Variants in ZDHHC15 observed in about 807,000 individuals in gnomAD.
The protein encoded by ZDHHC15 is palmitoyltransferase ZDHHC15.
ZDHHC15 carries 19 observed loss-of-function variants against 31.7 expected under a neutral mutation model. The ratio of observed to expected loss-of-function variants is 0.60; its 90% CI spans 0.42 to 0.88. ZDHHC15 has a LOEUF of 0.88. Ranked by LOEUF, ZDHHC15 falls within the 40% of genes least tolerant of loss-of-function variation. The probability of loss-of-function intolerance (pLI) is 0.00; values close to 1 mark genes in which losing one functional copy is unlikely to be tolerated. For synonymous variants in ZDHHC15, 103 were observed against 90.0 expected, an observed-to-expected ratio of 1.14 and a Z score of -0.82; for missense variants, 209 against 251.2, an observed-to-expected ratio of 0.83 and a Z score of 1.14.
Position 75,429,312 on chromosome X carries a change from G to A in ZDHHC15, c.483-114C>T, listed in dbSNP as rs1009326329. The A allele has an allele frequency of 6.4e-5, 58 of 907,392 alleles. 1 individual carries two copies. The Admixed American group carries it at 7.1e-4, about 11-fold the overall frequency. 74.8% of individuals were successfully genotyped at this position (907,392 alleles called of 1,213,427 possible). ...TAGTTCTGCTGCTTCATTATGTGTCGTGTAAAAGCCCAATAGAGATAGAAG... is the reference window on the plus strand; with the variant it reads ...TAGTTCTGCTGCTTCATTATGTGTCATGTAAAAGCCCAATAGAGATAGAAG... On this transcript the variant is annotated intron_variant, in intron 6 of 11. Coordinates refer to ENST00000373367, the MANE Select transcript of ZDHHC15 (RefSeq NM_144969.3).
intron 2 of ZDHHC15, among the ~76,000 whole-genome samples, chrX:75,483,484 T>C (rs2084726432): frequency 9.0e-6 from 1 of 110,820 alleles, no homozygotes; most frequent in African/African-American, 3.3e-5. Context: ...GGAAGATCAC[T>C]TGAGCCCAGA....
intron 2 of ZDHHC15, among the ~76,000 whole-genome samples, chrX:75,481,275 T>C (rs767383548): frequency 1.8e-5 from 2 of 111,908 alleles, no homozygotes; most frequent in Non-Finnish European, 3.8e-5. Context: ...GTTTACCCTC[T>C]CATTATACAC....
At chrX:75,451,065 G>A in intron 3 of ZDHHC15, 143 bp from the exon 4 acceptor site, 1 of 676,067 alleles carries the variant, frequency 1.5e-6, no homozygotes, top group Non-Finnish European at 2.1e-6. Flanking sequence ...ATGTTCTCTG[G>A]ATAATTACTT....
chrX:75,503,528 T>G (rs749152957), intron 2 of ZDHHC15, among the ~76,000 whole-genome samples: 2 of 111,096 alleles, frequency 1.8e-5, no homozygotes, highest in Non-Finnish European at 1.9e-5. Flanking sequence ...ATAATCTCAT[T>G]AGTGCTCAAA....
At chrX:75,418,321 AC>A (rs1213092675) in intron 9 of ZDHHC15, among the ~76,000 whole-genome samples, 1 of 111,421 alleles carries the variant, frequency 9.0e-6, no homozygotes, top group Non-Finnish European at 1.9e-5. Context: ...TTACCACCCT[AC>A]CCCCAACAAA....
intron 10 of ZDHHC15, among the ~76,000 whole-genome samples, chrX:75,401,800 C>G (rs1477318734): frequency 8.9e-6 from 1 of 111,850 alleles, no homozygotes; most frequent in Non-Finnish European, 1.9e-5. Context: ...GGGAGACTTC[C>G]ACACACCACT....
At chrX:75,383,010 T>C (rs2083132676) in intron 10 of ZDHHC15, among the ~76,000 whole-genome samples, 10 of 111,405 alleles carry the variant, frequency 9.0e-5, no homozygotes, top group Non-Finnish European at 1.9e-4. Flanking sequence ...GTGAAAGAGG[T>C]ACAGGAACTA....
intron 10 of ZDHHC15, among the ~76,000 whole-genome samples, chrX:75,405,697 T>C (rs957003143): frequency 1.8e-5 from 2 of 111,368 alleles, no homozygotes; most frequent in South Asian, 3.7e-4. Context: ...AAGGAAGAGA[T>C]AGACTGCAAT....
intron 9 of ZDHHC15, among the ~76,000 whole-genome samples, chrX:75,419,840 A>G (rs1412794009): frequency 1.9e-5 from 2 of 106,101 alleles, no homozygotes; most frequent in African/African-American, 3.5e-5. Context: ...TCGGCAAACT[A>G]TCACAAGGAC....
At chrX:75,456,892 C>A (rs957166261) in intron 3 of ZDHHC15, among the ~76,000 whole-genome samples, 2 of 111,153 alleles carry the variant, frequency 1.8e-5, no homozygotes, top group African/African-American at 6.5e-5. Flanking sequence ...CACTTAAGTG[C>A]CATTTAAATT....
chrX:75,411,273 A>G lies in ZDHHC15; in HGVS notation c.967+5814T>C, dbSNP rs368849686. ...GCCTAGGCTGGAGTGCAGTGGTGTG[A>G]TCTCAGCTCACTGCAAGCTCTGCTT... On this transcript the variant is annotated intron_variant, in intron 10 of 11. Coordinates refer to ENST00000373367, the MANE Select transcript of ZDHHC15 (RefSeq NM_144969.3). Among the ~76,000 whole-genome samples, 8 of 109,225 alleles carry G rather than the reference A, an allele frequency of 7.3e-5. No homozygotes were observed. In the East Asian group the frequency reaches 2.3e-3, roughly 32 times the overall value. The allele number at this position is 109,225 out of a possible 115,157, so 94.8% of individuals were successfully genotyped here.
At chrX:75,412,560 T>C (rs764757277) in intron 10 of ZDHHC15, among the ~76,000 whole-genome samples, 2 of 110,297 alleles carry the variant, frequency 1.8e-5, no homozygotes, top group Non-Finnish European at 3.8e-5. Flanking sequence ...ACCTCCCGAG[T>C]AGCTGGGATT....
At chrX:75,468,844 G>C (rs1348052767) in intron 3 of ZDHHC15, among the ~76,000 whole-genome samples, 1 of 111,373 alleles carries the variant, frequency 9.0e-6, no homozygotes, top group Non-Finnish European at 1.9e-5. Flanking sequence ...GTGCTTTTTG[G>C]CTATTTGTAT....
At chrX:75,439,628 A>T (rs933361728) in intron 4 of ZDHHC15, among the ~76,000 whole-genome samples, 2 of 111,830 alleles carry the variant, frequency 1.8e-5, no homozygotes, top group African/African-American at 6.5e-5. Flanking sequence ...CCCTCCTTGA[A>T]CAGCTTAATA....
At chrX:75,466,469 G>T (rs2084408126) in intron 3 of ZDHHC15, among the ~76,000 whole-genome samples, 1 of 111,367 alleles carries the variant, frequency 9.0e-6, no homozygotes, top group Non-Finnish European at 1.9e-5. Context: ...TAAATTATTT[G>T]AGTTTAAAGA....
rs145267771 is a variant in ZDHHC15, at chrX:75,410,150, G to C, written c.967+6937C>G. On this transcript the variant is annotated intron_variant, in intron 10 of 11. Transcript: ENST00000373367. ...ATGAATTGACTAGAAGAAAATTTGG[G>C]GGAAATGCTCCAGGACAAGACGTTG... Among the ~76,000 whole-genome samples, 24 of 111,385 alleles carry C rather than the reference G, an allele frequency of 2.2e-4. No homozygotes were observed. In the East Asian group the frequency reaches 6.5e-3, roughly 30 times the overall value.
At chrX:75,417,356 C>T (rs948007777) in intron 9 of ZDHHC15, among the ~76,000 whole-genome samples, 166 bp from the exon 10 acceptor site, 2 of 111,729 alleles carry the variant, frequency 1.8e-5, no homozygotes, top group Non-Finnish European at 3.8e-5. Context: ...TGCTATATTG[C>T]TCTCGATTTC....
chrX:75,412,733 T>C (rs1400921041), intron 10 of ZDHHC15, among the ~76,000 whole-genome samples: 1 of 111,984 alleles, frequency 8.9e-6, no homozygotes, highest in Non-Finnish European at 1.9e-5. Flanking sequence ...GCCTGGCTAT[T>C]ATTCAGTTTT....
At chrX:75,489,152 T>G (rs1433568726) in intron 2 of ZDHHC15, among the ~76,000 whole-genome samples, 1 of 111,927 alleles carries the variant, frequency 8.9e-6, no homozygotes, top group Non-Finnish European at 1.9e-5. Context: ...CTCTGTAGAC[T>G]CCACCTCTGG....
Sources: gnomAD v4.1 joint callset for allele counts (sites outside exome capture counted in the v4.1 genomes callset) on GRCh38, gnomAD v4.1.1 for gene constraint, MANE v1.5 for transcripts, NCBI Gene and HGNC (gene_info 2026-07-23, HGNC 2026-07-21) for gene names.